GRM7: variants seen among roughly 807,000 people sequenced by gnomAD.
GRM7 encodes metabotropic glutamate receptor 7.
A neutral mutation model predicts 84.5 loss-of-function variants in GRM7; 35 were observed. The observed-to-expected ratio is 0.41, with a 90% confidence interval of 0.32 to 0.55. GRM7 has a LOEUF of 0.55. GRM7 is among the 20% of genes least tolerant of loss of function. The probability of loss-of-function intolerance (pLI) is 0.19; values close to 1 mark genes in which losing one functional copy is unlikely to be tolerated. For missense variants in GRM7, 1,003 were observed against 1,194.6 expected, an observed-to-expected ratio of 0.84 and a Z score of 2.36; for synonymous variants, 487 against 455.1, an observed-to-expected ratio of 1.07 and a Z score of -0.89.
At chr3:7,263,814 T>A (rs566073972) in intron 2 of GRM7, among the ~76,000 whole-genome samples, 2 of 151,400 alleles carry the variant, frequency 1.3e-5, no homozygotes, top group African/African-American at 4.8e-5. Flanking sequence ...GTAGGGTAGG[T>A]TGGGGGTTCA....
At chr3:7,530,396 A>T (rs866016529) in intron 7 of GRM7, among the ~76,000 whole-genome samples, 1 of 152,288 alleles carries the variant, frequency 6.6e-6, no homozygotes, top group Middle Eastern at 3.4e-3. Flanking sequence ...CAGTGCTGCA[A>T]TAAACAAATG....
chr3:7,412,871 C>T (rs546238548), intron 4 of GRM7, among the ~76,000 whole-genome samples: 1 of 152,024 alleles, frequency 6.6e-6, no homozygotes, highest in East Asian at 1.9e-4. Context: ...GCCTTGGTGC[C>T]TTGGTTTATA....
At chr3:6,894,515 A>G (rs936559640) in intron 1 of GRM7, among the ~76,000 whole-genome samples, 1 of 152,276 alleles carries the variant, frequency 6.6e-6, no homozygotes, top group South Asian at 2.1e-4. Flanking sequence ...TAATTGTAAT[A>G]TATACATTGT....
chr3:7,123,448 G>C (rs1335363746), intron 1 of GRM7, among the ~76,000 whole-genome samples: 1 of 152,048 alleles, frequency 6.6e-6, no homozygotes, highest in Non-Finnish European at 1.5e-5. Flanking sequence ...GTGAAACCCC[G>C]TCTCTACTAA....
At chr3:7,032,643 A>T (rs539181486) in intron 1 of GRM7, among the ~76,000 whole-genome samples, 23 of 152,144 alleles carry the variant, frequency 1.5e-4, no homozygotes, top group Non-Finnish European at 2.8e-4. Context: ...TTGCTGGAAG[A>T]TACTATGGCA....
intron 1 of GRM7, among the ~76,000 whole-genome samples, chr3:7,087,102 G>A (rs1054660062): frequency 1.8e-4 from 27 of 152,068 alleles, no homozygotes; most frequent in Non-Finnish European, 1.0e-4. Flanking sequence ...TTTTTTAGGG[G>A]TAATGTTTCA....
At chr3:7,656,474 C>T (rs775548343) in intron 8 of GRM7, among the ~76,000 whole-genome samples, 64 of 148,612 alleles carry the variant, frequency 4.3e-4, no homozygotes, top group Non-Finnish European at 6.5e-4. Context: ...CCAGTCTGGG[C>T]GACAGAGCAA....
intron 7 of GRM7, among the ~76,000 whole-genome samples, chr3:7,463,759 G>C (rs577839804): frequency 2.6e-5 from 4 of 151,618 alleles, no homozygotes; most frequent in Non-Finnish European, 2.9e-5. Context: ...TGAGAGGAAG[G>C]GTAAGAGGAG....
chr3:7,448,199 G>A (rs532342705), intron 5 of GRM7, among the ~76,000 whole-genome samples: 15 of 150,940 alleles, frequency 9.9e-5, no homozygotes, highest in Admixed American at 2.7e-4. Flanking sequence ...GAATAATGCC[G>A]CAATAAACAT....
Position 7,192,641 on chromosome 3 carries a change from C to A in GRM7, c.736+45973C>A, listed in dbSNP as rs566851827. Among the ~76,000 whole-genome samples the A allele has an allele frequency of 2.0e-5, 3 of 152,214 alleles. No individual in the cohort carries two copies. In the East Asian group the frequency reaches 5.8e-4, roughly 29 times the overall value. On this transcript the variant is annotated intron_variant, in intron 2 of 9. Transcript: ENST00000357716. ...TCTCCTTCCTTCAGTTCCGATTTGT[C>A]CCTCTATCTTGGCTCCTTCCAAGCA... is the stretch of plus-strand genomic sequence containing the variant.
chr3:7,255,899 T>A (rs553606977), intron 2 of GRM7, among the ~76,000 whole-genome samples: 30 of 152,314 alleles, frequency 2.0e-4, no homozygotes, highest in Non-Finnish European at 3.5e-4. Flanking sequence ...CTCCAGGAAG[T>A]AGCACAGCTT....
chr3:7,024,667 A>C (rs907922003), intron 1 of GRM7, among the ~76,000 whole-genome samples: 3 of 152,218 alleles, frequency 2.0e-5, no homozygotes, highest in Non-Finnish European at 4.4e-5. Context: ...CTATAGGACT[A>C]GGGTGTATGG....
chr3:7,016,912 T>C (rs1048993626), intron 1 of GRM7, among the ~76,000 whole-genome samples: 5 of 152,184 alleles, frequency 3.3e-5, no homozygotes. Context: ...TAGTTCAGTT[T>C]TAAACCCTTG....
At chr3:7,304,478 A>G (rs548317865) in intron 3 of GRM7, among the ~76,000 whole-genome samples, 48 of 151,522 alleles carry the variant, frequency 3.2e-4, no homozygotes, top group Non-Finnish European at 5.7e-4. Context: ...AAGTTTTTAA[A>G]CTTGAAAATT....
At chr3:7,428,907 A>G (rs1696718328) in intron 5 of GRM7, among the ~76,000 whole-genome samples, 2 of 152,212 alleles carry the variant, frequency 1.3e-5, no homozygotes, top group Admixed American at 6.5e-5. Flanking sequence ...GTTTGCAGAA[A>G]TTTCACTAAA....
chr3:7,047,415 T>C (rs951808003), intron 1 of GRM7, among the ~76,000 whole-genome samples: 1 of 152,026 alleles, frequency 6.6e-6, no homozygotes, highest in Non-Finnish European at 1.5e-5. Context: ...GCTTTTAAAA[T>C]TGAGCTTAGT....
At chr3:7,373,520 C>G (rs12488128) in intron 4 of GRM7, among the ~76,000 whole-genome samples, 1 of 152,022 alleles carries the variant, frequency 6.6e-6, no homozygotes, top group African/African-American at 2.4e-5. Flanking sequence ...CATTAATAAA[C>G]GCAGCACCAA....
chr3:7,299,941 A>G (rs1280603668), intron 3 of GRM7, among the ~76,000 whole-genome samples: 3 of 151,952 alleles, frequency 2.0e-5, no homozygotes, highest in Non-Finnish European at 2.9e-5. Context: ...GTGTTATGCA[A>G]TGTATAAATT....
intron 2 of GRM7, among the ~76,000 whole-genome samples, chr3:7,208,286 C>T (rs1696304452): frequency 6.7e-6 from 1 of 148,174 alleles, no homozygotes; most frequent in Non-Finnish European, 1.5e-5. Context: ...TCACTGACCT[C>T]AATGTCTTCC....
Sources: allele counts gnomAD v4.1 joint callset (sites outside exome capture counted in the v4.1 genomes callset), GRCh38; gene constraint gnomAD v4.1.1; transcripts MANE v1.5; gene names NCBI Gene and HGNC (gene_info 2026-07-23, HGNC 2026-07-21).